Variants in LYPLA1 observed in about 807,000 individuals in gnomAD.
The protein encoded by LYPLA1 is lysophospholipase 1.
LYPLA1 carries 17 observed loss-of-function variants against 34.0 expected under a neutral mutation model. The observed-to-expected ratio is 0.50, with a 90% confidence interval of 0.34 to 0.75. LYPLA1 has a LOEUF of 0.75. Ranked by LOEUF, LYPLA1 falls within the 30% of genes least tolerant of loss-of-function variation. The probability of loss-of-function intolerance (pLI) is 0.01; values close to 1 mark genes in which losing one functional copy is unlikely to be tolerated. For missense variants in LYPLA1, 203 were observed against 288.8 expected (o/e 0.70, Z 2.15); for synonymous variants, 98 against 100.8 (o/e 0.97, Z 0.17).
chr8:54,096,922 C>G (rs1017513293), intron 2 of LYPLA1, among the ~76,000 whole-genome samples: 7 of 151,216 alleles, frequency 4.6e-5, no homozygotes, highest in Admixed American at 4.6e-4. Flanking sequence ...AAAAAATAAA[C>G]AAATAAATAA....
intron 2 of LYPLA1, among the ~76,000 whole-genome samples, chr8:54,066,780 C>CA (rs983956740): frequency 1.5e-4 from 21 of 141,498 alleles, no homozygotes; most frequent in Non-Finnish European, 2.5e-4. Context: ...GACTCCATCT[C>CA]AAAAAAAAAG....
chr8:54,097,118 G>A (rs897966050), intron 2 of LYPLA1, among the ~76,000 whole-genome samples: 3 of 152,126 alleles, frequency 2.0e-5, no homozygotes, highest in Non-Finnish European at 4.4e-5. Flanking sequence ...AACTTGCATA[G>A]TCACAAAGTA....
rs1810199885 is a variant in LYPLA1, at chr8:54,101,913, C to G, written c.-90G>C. Reference sequence around the variant, plus strand: ...TGCGAGCGGCGAGTCCCGGCCGGCCCCACCGGGCGCACGCTCAGGCGCGTG... The same window carrying G: ...TGCGAGCGGCGAGTCCCGGCCGGCCGCACCGGGCGCACGCTCAGGCGCGTG... On this transcript the variant is annotated 5_prime_UTR_variant, in exon 1 of 9. Transcript: ENST00000316963. 4.1e-6 allele frequency: 3 copies of G among 732,498 alleles called. No homozygotes were observed. The highest frequency in any genetic ancestry group is 5.4e-6 in the Non-Finnish European group (3 of 556,996). The allele number at this position is 732,498 out of a possible 1,614,324, so 45.4% of individuals were successfully genotyped here. A position where few individuals can be genotyped will look rare whatever the true frequency, so the allele number is the denominator to read the frequency against.
intron 2 of LYPLA1, among the ~76,000 whole-genome samples, chr8:54,083,534 G>A (rs2129352947): frequency 6.6e-6 from 1 of 152,226 alleles, no homozygotes; most frequent in East Asian, 1.9e-4. Flanking sequence ...TTTCTGCAAA[G>A]GACCAAAAGA....
At chr8:54,095,067 C>T (rs942271581) in intron 2 of LYPLA1, among the ~76,000 whole-genome samples, 1 of 151,256 alleles carries the variant, frequency 6.6e-6, no homozygotes, top group East Asian at 1.9e-4. Context: ...GTCTCACTGT[C>T]GCCTAGGCTG....
At chr8:54,092,194 G>A (rs1348842918) in intron 2 of LYPLA1, among the ~76,000 whole-genome samples, 1 of 151,384 alleles carries the variant, frequency 6.6e-6, no homozygotes, top group Non-Finnish European at 1.5e-5. Flanking sequence ...GGGGGAGGAG[G>A]AGGAGGAGAA....
chr8:54,053,179 C>G (rs1371661931), intron 6 of LYPLA1: 1 of 177,482 alleles, frequency 5.6e-6, no homozygotes, highest in Admixed American at 5.5e-5. Flanking sequence ...ACCACAACCT[C>G]CGCCTCCTGA....
At chr8:54,075,980 C>T (rs182057087) in intron 2 of LYPLA1, among the ~76,000 whole-genome samples, 156 of 152,216 alleles carry the variant, frequency 1.0e-3, no homozygotes, top group African/African-American at 3.5e-3. Context: ...CTGTGTGCCA[C>T]GGTCACACTA....
chr8:54,087,637 C>T (rs768914254), intron 2 of LYPLA1, among the ~76,000 whole-genome samples: 1 of 152,198 alleles, frequency 6.6e-6, no homozygotes, highest in Admixed American at 6.5e-5. Flanking sequence ...AGTCTAGTGT[C>T]CAGACAATAT....
At chr8:54,063,694 T>G (rs950676615) in intron 3 of LYPLA1, among the ~76,000 whole-genome samples, 13 of 152,202 alleles carry the variant, frequency 8.5e-5, no homozygotes, top group African/African-American at 3.1e-4. Context: ...TGGAAATGTA[T>G]AAAACACGAG....
chr8:54,060,947 G>A (rs1188033615), intron 5 of LYPLA1, among the ~76,000 whole-genome samples: 3 of 151,474 alleles, frequency 2.0e-5, no homozygotes, highest in Non-Finnish European at 2.9e-5. Flanking sequence ...TGCCTGCCTC[G>A]GCCTCTCAAA....
chr8:54,087,578 A>G (rs1239054186), intron 2 of LYPLA1, among the ~76,000 whole-genome samples: 1 of 152,244 alleles, frequency 6.6e-6, no homozygotes, highest in African/African-American at 2.4e-5. Context: ...GGGTGCAAAG[A>G]CACCCCACGC....
chr8:54,081,124 CCT>C (rs368166206), intron 2 of LYPLA1, among the ~76,000 whole-genome samples: 68 of 152,296 alleles, frequency 4.5e-4, no homozygotes, highest in African/African-American at 1.3e-3. Flanking sequence ...AGTTTCTACC[CCT>C]GTCTGGAGTA....
chr8:54,072,869 A>G (rs542120643), intron 2 of LYPLA1, among the ~76,000 whole-genome samples: 15 of 150,186 alleles, frequency 1.0e-4, no homozygotes, highest in Non-Finnish European at 2.2e-4. Flanking sequence ...AGTCCCAGCT[A>G]CTCAGGAGGC....
At chr8:54,064,694 T>G (rs1460314698) in intron 3 of LYPLA1, among the ~76,000 whole-genome samples, 1 of 152,210 alleles carries the variant, frequency 6.6e-6, no homozygotes, top group Non-Finnish European at 1.5e-5. Context: ...AATCCCTTCT[T>G]GTCTTCTCCA....
chr8:54,077,968 T>C (rs780950396), intron 2 of LYPLA1, among the ~76,000 whole-genome samples: 65 of 152,176 alleles, frequency 4.3e-4, no homozygotes, highest in Non-Finnish European at 1.3e-4. Flanking sequence ...TTTATTCTTT[T>C]GAGACAGAGT....
At chr8:54,056,963 G>A (rs537365455) in intron 5 of LYPLA1, among the ~76,000 whole-genome samples, 18 of 152,182 alleles carry the variant, frequency 1.2e-4, no homozygotes, top group Non-Finnish European at 1.0e-4. Flanking sequence ...AGACATTTCC[G>A]AAAAGATGAC....
At chr8:54,095,736 T>C (rs916251917) in intron 2 of LYPLA1, among the ~76,000 whole-genome samples, 1 of 151,018 alleles carries the variant, frequency 6.6e-6, no homozygotes, top group Non-Finnish European at 1.5e-5. Flanking sequence ...TTCTACAAAG[T>C]AACTGGCTTA....
At chr8:54,097,030 G>C (rs915267200) in intron 2 of LYPLA1, among the ~76,000 whole-genome samples, 1 of 152,104 alleles carries the variant, frequency 6.6e-6, no homozygotes, top group African/African-American at 2.4e-5. Context: ...GACAGAATTG[G>C]AAAATCACAC....
Sources: allele counts gnomAD v4.1 joint callset (sites outside exome capture counted in the v4.1 genomes callset), GRCh38; gene constraint gnomAD v4.1.1; transcripts MANE v1.5; gene names NCBI Gene and HGNC (gene_info 2026-07-23, HGNC 2026-07-21).